Variants in DOLPP1 observed in about 807,000 individuals in gnomAD.
The protein encoded by DOLPP1 is dolichyl pyrophosphate phosphatase 1.
DOLPP1 carries 15 observed loss-of-function variants against 34.1 expected under a neutral mutation model. That is an observed-to-expected ratio of 0.44 (90% confidence interval 0.29 to 0.68). DOLPP1 has a LOEUF of 0.68. Among genes scored for constraint, DOLPP1 ranks in the 30% least tolerant of loss-of-function variants. DOLPP1 has a pLI of 0.12. For synonymous variants in DOLPP1, 130 were observed against 128.2 expected, an observed-to-expected ratio of 1.01 and a Z score of -0.10; for missense variants, 249 against 307.1, an observed-to-expected ratio of 0.81 and a Z score of 1.41.
chr9:129,085,627 G>A lies in DOLPP1; in HGVS notation c.461+11G>A, dbSNP rs1290362939. 3 of 1,604,870 alleles carry A rather than the reference G, an allele frequency of 1.9e-6. No individual in the cohort carries two copies. The African/African-American group carries it at 4.0e-5, about 21-fold the overall frequency. ...AGTCTCCTACAGCAGGTATGGAGGA[G>A]GGAGAGCCCCTGCCTGCACCCTGCC... On this transcript the variant is annotated intron_variant, in intron 5 of 7. Coordinates refer to ENST00000372546, the MANE Select transcript of DOLPP1 (RefSeq NM_020438.5). The surrounding 1 kb of genome is among the most constrained non-coding windows in gnomAD (Gnocchi z 7.0).
In DOLPP1 at chr9:129,085,097, G is replaced by A; in HGVS notation, c.252G>A (p.Arg84=). The A allele has an allele frequency of 6.3e-7, 1 of 1,598,402 alleles. No homozygotes were observed. The highest frequency in any genetic ancestry group is 1.1e-5 in the South Asian group (1 of 88,358). ...TCAAAAACGTCATCCAGGAGCCACGGCCCTGTGGAGGTAGGGCCTCAGCTG... is the reference window on the plus strand; with the variant it reads ...TCAAAAACGTCATCCAGGAGCCACGACCCTGTGGAGGTAGGGCCTCAGCTG... ...WLIKNVIQEP[R]PCGGPHTAVG... The change falls in exon 3 of 8, where the codon CGG becomes CGA. Residue 84 remains arginine, a synonymous_variant. Coordinates refer to ENST00000372546, the MANE Select transcript of DOLPP1 (RefSeq NM_020438.5). The surrounding 1 kb of genome is among the most constrained non-coding windows in gnomAD (Gnocchi z 7.0).
chr9:129,084,912 G>T (rs1348165096), intron 2 of DOLPP1, 111 bp from the exon 3 acceptor site: 2 of 1,340,744 alleles, frequency 1.5e-6, no homozygotes, highest in Non-Finnish European at 2.1e-6. Context: ...GCTGGTTCTA[G>T]GTTACTCACC....
intron 1 of DOLPP1, among the ~76,000 whole-genome samples, chr9:129,082,655 A>C (rs1846911327): frequency 6.6e-6 from 1 of 152,190 alleles, no homozygotes; most frequent in Non-Finnish European, 1.5e-5. Context: ...GACCTGGCTG[A>C]GCCTGGAGCA....
rs747044981 is a variant in DOLPP1, at chr9:129,081,159, C to T, written c.28C>T (p.Pro10Ser). 2 of 1,610,044 alleles carry T rather than the reference C, an allele frequency of 1.2e-6. No homozygotes were observed. The highest frequency in any genetic ancestry group is 4.5e-5 in the East Asian group (2 of 44,670). The change falls in exon 1 of 8, where the codon CCC becomes TCC. Residue 10 changes from proline (P) to serine (S), a missense_variant. By Grantham distance (74) the Pro-to-Ser change is moderately conservative (BLOSUM62 -1). Transcript: ENST00000372546. Reference protein sequence around the residue: MAADGQCSLPASWRPVTLTH... With the variant: MAADGQCSLSASWRPVTLTH... ...GGCAGCGGACGGACAGTGCTCGCTC[C>T]CCGCTTCATGGCGGCCGGTGACCCT...
intron 1 of DOLPP1, among the ~76,000 whole-genome samples, chr9:129,082,895 G>A (rs570227651): frequency 7.2e-5 from 11 of 152,298 alleles, no homozygotes; most frequent in Admixed American, 3.9e-4. Context: ...AACTGAGTCT[G>A]GATGGCAGAT....
intron 2 of DOLPP1, 65 bp downstream of exon 2, chr9:129,084,833 C>G: frequency 8.2e-7 from 1 of 1,217,680 alleles, no homozygotes; most frequent in African/African-American, 1.6e-5. Context: ...CTTTGGGAAG[C>G]CCGTCCGCCC....
At chr9:129,082,973 G>C (rs1846918371) in intron 1 of DOLPP1, among the ~76,000 whole-genome samples, 1 of 152,148 alleles carries the variant, frequency 6.6e-6, no homozygotes, top group Non-Finnish European at 1.5e-5. Flanking sequence ...CACTGTGGTG[G>C]GTTCTTAGTT....
intron 1 of DOLPP1, among the ~76,000 whole-genome samples, chr9:129,083,852 C>G (rs948346355): frequency 1.3e-5 from 2 of 152,180 alleles, no homozygotes; most frequent in Non-Finnish European, 2.9e-5. Context: ...ACCATGCTCT[C>G]AGACCCCAGA....
chr9:129,084,811 G>A (rs1430780657), intron 2 of DOLPP1, 43 bp downstream of exon 2: 1 of 1,234,904 alleles, frequency 8.1e-7, no homozygotes. Flanking sequence ...CACCCCCAGT[G>A]CCCCCACCCT....
chr9:129,083,765 A>G (rs540241990), intron 1 of DOLPP1, among the ~76,000 whole-genome samples: 4 of 152,282 alleles, frequency 2.6e-5, no homozygotes, highest in East Asian at 3.9e-4. Context: ...TGATATCCCT[A>G]TTCCACAAGT....
Position 129,085,531 on chromosome 9 carries a change from A to G in DOLPP1, c.376A>G (p.Asn126Asp). 6.2e-7 allele frequency: 1 copy of G among 1,613,658 alleles called. No homozygotes were observed. Among genetic ancestry groups the G allele is most frequent in the Non-Finnish European group, 8.5e-7 (1 of 1,179,928 alleles). The change falls in exon 5 of 8, where the codon AAC (asparagine) becomes GAC (aspartate). Residue 126 changes from asparagine (N) to aspartate (D), a missense_variant. Physicochemically the swap from Asn to Asp is conservative, Grantham distance 23 (BLOSUM62 1). Transcript: ENST00000372546. The surrounding 1 kb of genome is among the most constrained non-coding windows in gnomAD (Gnocchi z 7.0). Reference protein sequence around the residue: ...LFLYLRMHQTNNARFLDLLWR... With the variant: ...LFLYLRMHQTDNARFLDLLWR... ...CTGTTTTCGCAGAATGCACCAAACA[A>G]ACAACGCCAGGTTCCTGGACTTGCT...
rs751979809 is a variant in DOLPP1, at chr9:129,089,497, G to A, written c.*490G>A. On this transcript the variant is annotated 3_prime_UTR_variant, in exon 8 of 8. Transcript: ENST00000372546. This position sits in a 1 kb window ranked among gnomAD's most constrained non-coding sequence, Gnocchi z 4.9. The stretch of plus-strand genomic sequence containing the variant: ...TCCCAGGCCCTTCGCCCTATGCCCA[G>A]AGGGCAGACTGCCTCTCCCTGGGCC... 15 of 155,824 alleles carry A rather than the reference G, an allele frequency of 9.6e-5. 1 individual carries two copies. The South Asian group carries it at 2.4e-3, about 24-fold the overall frequency. The allele number at this position is 155,824 out of a possible 1,614,324, so 9.7% of individuals were successfully genotyped here.
chr9:129,086,891 TA>T lies in DOLPP1; in HGVS notation c.680+95del, dbSNP rs1262567277. On this transcript the variant is annotated intron_variant, in intron 7 of 7. Transcript: ENST00000372546. Reference sequence around the variant, plus strand: ...GCTCTCCGGGAGCCTCGCGCCTGCCTAAGCACTTCTCTTGCATTAACTCATT... The same window carrying T: ...GCTCTCCGGGAGCCTCGCGCCTGCCTAGCACTTCTCTTGCATTAACTCATT... 4.8e-6 allele frequency: 5 copies of T among 1,049,000 alleles called. No individual in the cohort carries two copies. In the African/African-American group the frequency reaches 6.3e-5, roughly 13 times the overall value. 65.0% of individuals were successfully genotyped at this position (1,049,000 alleles called of 1,614,324 possible).
rs963422301 is a variant in DOLPP1, at chr9:129,090,403, T to C, written c.*1396T>C. On this transcript the variant is annotated 3_prime_UTR_variant, in exon 8 of 8. Transcript: ENST00000372546. ...TTTAAGAAAAATCAATGAAATTGTT[T>C]ACTACTGTTTTAAAATAAAACCGTA... 6.6e-6 allele frequency: 1 copy of C among 152,624 alleles called. No homozygotes were observed. The highest frequency in any genetic ancestry group is 2.4e-5 in the African/African-American group (1 of 41,438). The allele number at this position is 152,624 out of a possible 1,614,324, so 9.5% of individuals were successfully genotyped here. A position where few individuals can be genotyped will look rare whatever the true frequency, so the allele number is the denominator to read the frequency against.
intron 7 of DOLPP1, among the ~76,000 whole-genome samples, chr9:129,087,925 G>A (rs913218885): frequency 2.0e-5 from 3 of 151,708 alleles, no homozygotes; most frequent in Non-Finnish European, 4.4e-5. Context: ...CGCCTGGCCG[G>A]CCTCCACCTG....
rs770030170 is a variant in DOLPP1 at position 129,085,257 on chromosome 9, C to T, written c.313C>T (p.Gln105Ter). Residue 105 changes from glutamine (Q) to a stop codon, truncating the protein, a stop_gained, in exon 4 of 8, where the codon CAG (glutamine) becomes TAG (stop). Coordinates refer to ENST00000372546, the MANE Select transcript of DOLPP1 (RefSeq NM_020438.5). LOFTEE classifies it high-confidence loss of function. The surrounding 1 kb of genome is among the most constrained non-coding windows in gnomAD (Gnocchi z 7.0). Reference protein sequence around the residue: ...TKYGMPSSHSQFMWFFSVYSF... With the variant: ...TKYGMPSSHS ...GTACGGGATGCCCTCCAGCCATTCC[C>T]AGTTTATGTGGTTCTTCTCCGTCTA... 6.2e-7 allele frequency: 1 copy of T among 1,614,120 alleles called. No homozygotes were observed. Among genetic ancestry groups the T allele is most frequent in the Non-Finnish European group, 8.5e-7 (1 of 1,180,030 alleles).
At position 129,085,684 on chromosome 9, in the gene DOLPP1, T is replaced by C; in HGVS notation, c.461+68T>C. On this transcript the variant is annotated intron_variant, in intron 5 of 7. Transcript: ENST00000372546. This position sits in a 1 kb window ranked among gnomAD's most constrained non-coding sequence, Gnocchi z 7.0. The stretch of plus-strand genomic sequence containing the variant: ...GGGTCCTGCTGGTTCCTGGTCCCTG[T>C]CGGACCCCACCATGGACCCTAGTCC... 1 of 1,303,874 alleles carries C rather than the reference T, an allele frequency of 7.7e-7. No homozygotes were observed. The highest frequency in any genetic ancestry group is 1.1e-6 in the Non-Finnish European group (1 of 931,454). The allele number at this position is 1,303,874 out of a possible 1,614,324, so 80.8% of individuals were successfully genotyped here.
intron 1 of DOLPP1, among the ~76,000 whole-genome samples, chr9:129,083,732 A>G (rs373762531): frequency 4.5e-4 from 69 of 152,248 alleles, no homozygotes; most frequent in African/African-American, 1.6e-3. Context: ...ATTGAGTCTC[A>G]TGCAGCTGTA....
intron 2 of DOLPP1, 43 bp downstream of exon 2, chr9:129,084,811 GC>G: frequency 8.1e-7 from 1 of 1,234,902 alleles, no homozygotes; most frequent in Non-Finnish European, 1.1e-6. Flanking sequence ...CACCCCCAGT[GC>G]CCCCACCCTG....
Sources: allele counts gnomAD v4.1 joint callset (sites outside exome capture counted in the v4.1 genomes callset), GRCh38; gene constraint gnomAD v4.1.1; non-coding constraint Gnocchi (gnomAD v3.1); transcripts MANE v1.5; gene names NCBI Gene and HGNC (gene_info 2026-07-23, HGNC 2026-07-21).